COCH: variants seen among roughly 807,000 people sequenced by gnomAD.
COCH encodes the protein cochlin.
Under a neutral mutation model 54.8 loss-of-function variants are expected in COCH, and 40 were observed. The observed-to-expected ratio is 0.73, with a 90% confidence interval of 0.57 to 0.95. COCH has a LOEUF of 0.95. COCH is among the 40% of genes least tolerant of loss of function. The probability of loss-of-function intolerance (pLI) is 0.00; values close to 1 mark genes in which losing one functional copy is unlikely to be tolerated. For missense variants in COCH, 605 were observed against 675.0 expected (o/e 0.90, Z 1.15); for synonymous variants, 256 against 237.9 (o/e 1.08, Z -0.70).
At chr14:30,884,253 T>C (rs546299043) in intron 8 of COCH, among the ~76,000 whole-genome samples, 38 of 152,342 alleles carry the variant, frequency 2.5e-4, no homozygotes, top group African/African-American at 8.9e-4. Context: ...TTTCTTCATT[T>C]ACATAATTGG....
Position 30,889,721 on chromosome 14 carries a change from C to A in COCH, c.1583C>A (p.Thr528Lys). Residue 528 changes from threonine to lysine, a missense_variant, in exon 12 of 12, where the codon ACA becomes AAA. Thr to Lys is a moderately conservative substitution (Grantham distance 78). Transcript: ENST00000396618. Reference protein sequence around the residue: ...ESHAFFTREFTGLEPIVSDVI... With the variant: ...ESHAFFTREFKGLEPIVSDVI... ...CATGCTTTCTTCACAAGAGAGTTCA[C>A]AGGATTAGAACCAATTGTTTCTGAT... 2 of 1,614,018 alleles carry A rather than the reference C, an allele frequency of 1.2e-6. No homozygotes were observed. The highest frequency in any genetic ancestry group is 1.7e-6 in the Non-Finnish European group (2 of 1,179,916).
At chr14:30,888,960 A>G (rs539267564) in intron 11 of COCH, among the ~76,000 whole-genome samples, 1 of 152,308 alleles carries the variant, frequency 6.6e-6, no homozygotes, top group South Asian at 2.1e-4. Flanking sequence ...CTCCAGTTTC[A>G]TAAGATCCCT....
chr14:30,886,224 G>C lies in COCH; in HGVS notation c.1389G>C (p.Glu463Asp). The C allele has an allele frequency of 6.2e-7, 1 of 1,613,078 alleles. No homozygotes were observed. Among genetic ancestry groups the C allele is most frequent in the Non-Finnish European group, 8.5e-7 (1 of 1,179,562 alleles). Residue 463 changes from glutamate to aspartate, a missense_variant, in exon 11 of 12, where the codon GAG becomes GAC. Coordinates refer to ENST00000396618, the MANE Select transcript of COCH (RefSeq NM_004086.3). ...TVRNVFGPIR[E>D]SPNKNFLVIV... ...GAAATGTGTTTGGCCCTATAAGGGAGAGCCCCAACAAGAACTTCCTAGTAA... is the reference window on the plus strand; with the variant it reads ...GAAATGTGTTTGGCCCTATAAGGGACAGCCCCAACAAGAACTTCCTAGTAA...
In COCH at chr14:30,886,281, C is replaced by T. The variant is rs1895788333; in HGVS notation, c.1446C>T (p.Val482=). 6 of 1,614,110 alleles carry T rather than the reference C, an allele frequency of 3.7e-6. No homozygotes were observed. Among genetic ancestry groups the T allele is most frequent in the Non-Finnish European group, 5.1e-6 (6 of 1,180,008 alleles). ...IVTDGQSYDD[V]QGPAAAAHDA... Reference sequence around the variant, plus strand: ...CAGATGGGCAGTCCTATGATGATGTCCAAGGCCCTGCAGCTGCTGCACATG... The same window carrying T: ...CAGATGGGCAGTCCTATGATGATGTTCAAGGCCCTGCAGCTGCTGCACATG... Residue 482 remains valine (V), a synonymous_variant, in exon 11 of 12, where the codon GTC becomes GTT. Transcript: ENST00000396618.
At chr14:30,888,361 T>G (rs752823190) in intron 11 of COCH, among the ~76,000 whole-genome samples, 1 of 152,074 alleles carries the variant, frequency 6.6e-6, no homozygotes, top group Non-Finnish European at 1.5e-5. Flanking sequence ...TATTTACCAC[T>G]CTGAGCACTG....
chr14:30,891,384 T>C (rs539419428), downstream of COCH, among the ~76,000 whole-genome samples: 1 of 152,308 alleles, frequency 6.6e-6, no homozygotes, highest in East Asian at 1.9e-4. Flanking sequence ...GTTAACTGGT[T>C]AGAATAATAT....
At chr14:30,884,262 G>A (rs1255571827) in intron 8 of COCH, among the ~76,000 whole-genome samples, 4 of 152,144 alleles carry the variant, frequency 2.6e-5, no homozygotes, top group African/African-American at 4.8e-5. Context: ...TTACATAATT[G>A]GGATAATTCC....
At chr14:30,895,207 T>C (rs1031978595), downstream of COCH, 42 of 584,108 alleles carry the variant, frequency 7.2e-5, 3 homozygotes, top group South Asian at 1.3e-3. Context: ...GAGTCCTTTT[T>C]TCTTTGTCCC....
chr14:30,884,795 A>G (rs1463437786), intron 9 of COCH, 139 bp downstream of exon 9: 2 of 1,318,204 alleles, frequency 1.5e-6, no homozygotes, highest in African/African-American at 3.0e-5. Flanking sequence ...TCTGCATTTG[A>G]TCATCTGAGA....
At chr14:30,881,247 G>C (rs1203411124) in intron 8 of COCH, among the ~76,000 whole-genome samples, 1 of 151,334 alleles carries the variant, frequency 6.6e-6, no homozygotes, top group Admixed American at 6.6e-5. Context: ...AATCAAATGA[G>C]AGGAGATTTG....
At chr14:30,895,314 T>A (rs1301402992), downstream of COCH, 7 of 1,281,302 alleles carry the variant, frequency 5.5e-6, no homozygotes, top group Non-Finnish European at 1.0e-6. Flanking sequence ...ACCAGGCAGA[T>A]CACATGTAGT....
Position 30,890,080 on chromosome 14 carries a change from T to C in COCH, c.*289T>C. On this transcript the variant is annotated 3_prime_UTR_variant, in exon 12 of 12. Coordinates refer to ENST00000396618, the MANE Select transcript of COCH (RefSeq NM_004086.3). Reference sequence around the variant, plus strand: ...CCTTAAGAGTTCTAACCATGCCTACTAAATGTACAGATATGCAAATTCCAT... The same window carrying C: ...CCTTAAGAGTTCTAACCATGCCTACCAAATGTACAGATATGCAAATTCCAT... 9.2e-7 allele frequency: 1 copy of C among 1,086,534 alleles called. No homozygotes were observed. The highest frequency in any genetic ancestry group is 1.1e-6 in the Non-Finnish European group (1 of 892,014). The allele number at this position is 1,086,534 out of a possible 1,614,324, so 67.3% of individuals were successfully genotyped here.
chr14:30,879,917 C>T (rs1895512408), intron 6 of COCH, among the ~76,000 whole-genome samples: 1 of 152,158 alleles, frequency 6.6e-6, no homozygotes. Context: ...CCCACTTCAG[C>T]CTCCCAAAGT....
At chr14:30,890,878 A>T (rs1164997833), downstream of COCH, among the ~76,000 whole-genome samples, 3 of 151,942 alleles carry the variant, frequency 2.0e-5, no homozygotes, top group Non-Finnish European at 4.4e-5. Context: ...CTCTACAAAA[A>T]AGAAAAAAAA....
intron 8 of COCH, among the ~76,000 whole-genome samples, chr14:30,881,212 CAAA>C (rs11297000): frequency 3.2e-5 from 3 of 93,406 alleles, no homozygotes; most frequent in Non-Finnish European, 4.6e-5. Context: ...GACTATGTCT[CAAA>C]AAAAAAAAAA....
intron 9 of COCH, 142 bp from the exon 10 acceptor site, chr14:30,885,252 T>C: frequency 1.0e-6 from 1 of 953,644 alleles, no homozygotes; most frequent in South Asian, 1.5e-5. Flanking sequence ...CTGGGTTCTA[T>C]ATAATTCTTT....
At chr14:30,875,432 T>C (rs1372743997) in intron 3 of COCH, 2 of 589,676 alleles carry the variant, frequency 3.4e-6, no homozygotes, top group Non-Finnish European at 6.0e-6. Flanking sequence ...GAAGGAGGAC[T>C]CCTTGAGCCT....
At chr14:30,888,349 G>C (rs917797117) in intron 11 of COCH, among the ~76,000 whole-genome samples, 2 of 151,772 alleles carry the variant, frequency 1.3e-5, no homozygotes, top group Non-Finnish European at 2.9e-5. Flanking sequence ...GCATATCTTA[G>C]GTATTTACCA....
chr14:30,886,564 C>A (rs939514953), intron 11 of COCH, among the ~76,000 whole-genome samples: 4 of 152,170 alleles, frequency 2.6e-5, no homozygotes, highest in African/African-American at 9.7e-5. Flanking sequence ...ACATTCCTAA[C>A]CACTGTATTG....
Sources: allele counts gnomAD v4.1 joint callset (sites outside exome capture counted in the v4.1 genomes callset), GRCh38; gene constraint gnomAD v4.1.1; transcripts MANE v1.5; gene names NCBI Gene and HGNC (gene_info 2026-07-23, HGNC 2026-07-21).